MSI2: variants seen among roughly 807,000 people sequenced by gnomAD.
MSI2 encodes musashi RNA binding protein 2, also known as RNA-binding protein Musashi homolog 2.
In MSI2, 17 loss-of-function variants were observed where a neutral mutation model predicts 45.6. The ratio of observed to expected loss-of-function variants is 0.37; its 90% confidence interval spans 0.26 to 0.56. The LOEUF is 0.56. MSI2 is among the 20% of genes least tolerant of loss of function. The pLI is 0.77. For synonymous variants in MSI2, 156 were observed against 158.2 expected, an observed-to-expected ratio of 0.99 and a Z score of 0.11; for missense variants, 293 against 444.2, an observed-to-expected ratio of 0.66 and a Z score of 3.06.
At chr17:57,676,275 C>T (rs952746480) in intron 12 of MSI2, among the ~76,000 whole-genome samples, 8 of 152,228 alleles carry the variant, frequency 5.3e-5, no homozygotes, top group South Asian at 2.1e-4. Context: ...CGCACACGCA[C>T]GCACACACGC....
intron 5 of MSI2, chr17:57,365,059 G>C (rs998668879): frequency 6.6e-6 from 1 of 152,128 alleles, no homozygotes; most frequent in African/African-American, 2.4e-5. Flanking sequence ...TCTGTTAATA[G>C]TAGATACCCA....
chr17:57,395,020 G>C (rs368124228), intron 5 of MSI2, among the ~76,000 whole-genome samples: 2 of 152,196 alleles, frequency 1.3e-5, no homozygotes, highest in African/African-American at 4.8e-5. Flanking sequence ...CCCTCTGGAG[G>C]CTCCATGGGA....
chr17:57,547,746 A>G (rs971437624), intron 7 of MSI2, among the ~76,000 whole-genome samples: 1 of 82,136 alleles, frequency 1.2e-5, no homozygotes, highest in Non-Finnish European at 2.3e-5. Context: ...AAAAGTACAC[A>G]CACACACACA....
chr17:57,537,925 G>T (rs2086955923), intron 7 of MSI2, among the ~76,000 whole-genome samples: 1 of 152,190 alleles, frequency 6.6e-6, no homozygotes, highest in Non-Finnish European at 1.5e-5. Context: ...TAAAAGCCCT[G>T]GCACCAAAAG....
the MSI2 span, among the ~76,000 whole-genome samples, chr17:57,697,035 T>A: frequency 6.6e-5 from 10 of 151,414 alleles, no homozygotes; most frequent in African/African-American, 2.4e-4. Context: ...AGGGAGGGGG[T>A]GTGAGGTTTA....
intron 6 of MSI2, among the ~76,000 whole-genome samples, chr17:57,437,240 A>G (rs1315148642): frequency 6.6e-6 from 1 of 152,040 alleles, no homozygotes; most frequent in African/African-American, 2.4e-5. Context: ...GTCTATTTTT[A>G]TCGTGTTGTA....
intron 6 of MSI2, among the ~76,000 whole-genome samples, chr17:57,498,343 A>G (rs750730423): frequency 2.0e-5 from 3 of 152,254 alleles, no homozygotes; most frequent in Non-Finnish European, 4.4e-5. Flanking sequence ...TTGTTTTTAA[A>G]TGAGTAGCTA....
chr17:57,633,316 C>T (rs910267657), intron 10 of MSI2: 2 of 401,376 alleles, frequency 5.0e-6, no homozygotes, highest in African/African-American at 2.2e-5. Context: ...CCCTGGCTGC[C>T]GCCTGTTCCC....
At chr17:57,542,739 T>C (rs1463682473) in intron 7 of MSI2, among the ~76,000 whole-genome samples, 1 of 152,244 alleles carries the variant, frequency 6.6e-6, no homozygotes, top group Non-Finnish European at 1.5e-5. Context: ...CACTGCTGAC[T>C]TGGACCAGGT....
intron 4 of MSI2, 54 bp from the exon 5 acceptor site, chr17:57,262,097 T>C: frequency 6.4e-7 from 1 of 1,558,316 alleles, no homozygotes; most frequent in South Asian, 1.1e-5. Context: ...ATTAATCATA[T>C]ATTTTTTCCT....
chr17:57,432,839 G>A (rs889386015), intron 6 of MSI2, among the ~76,000 whole-genome samples: 39 of 152,090 alleles, frequency 2.6e-4, no homozygotes. Context: ...TCTCTCTTCT[G>A]TCTGCTGTCC....
chr17:57,313,416 G>C lies in MSI2; in HGVS notation c.312+51224G>C, dbSNP rs192034266. Among the ~76,000 whole-genome samples the C allele has an allele frequency of 1.4e-3, 216 of 152,314 alleles. 1 individual carries two copies. Among genetic ancestry groups the C allele is most frequent in the African/African-American group, 5.1e-3 (211 of 41,576 alleles). On this transcript the variant is annotated intron_variant, in intron 5 of 13. Coordinates refer to ENST00000284073, the MANE Select transcript of MSI2 (RefSeq NM_138962.4). ...AGAATTACTTTCCCTTCCTGGTTTTGAATTGAAGACCTTTTGTGTATTTAC... is the reference window on the plus strand; with the variant it reads ...AGAATTACTTTCCCTTCCTGGTTTTCAATTGAAGACCTTTTGTGTATTTAC...
At chr17:57,384,828 C>A (rs1047886083) in intron 5 of MSI2, among the ~76,000 whole-genome samples, 17 of 152,140 alleles carry the variant, frequency 1.1e-4, no homozygotes, top group African/African-American at 4.1e-4. Flanking sequence ...AGAGCAGATA[C>A]ACAGATTGTC....
chr17:57,596,484 C>T lies in MSI2; in HGVS notation c.455-384C>T, dbSNP rs2144453053. The stretch of plus-strand genomic sequence containing the variant: ...CCGACCCGAGGGCTGGCCAGGGCTG[C>T]TCGCGGAAAGGGCAAGCGTGGCCCC... On this transcript the variant is annotated intron_variant, in intron 7 of 13. Transcript: ENST00000284073. This position sits in a 1 kb window ranked among gnomAD's most constrained non-coding sequence, Gnocchi z 4.6. Among the ~76,000 whole-genome samples the T allele has an allele frequency of 6.6e-6, 1 of 152,360 alleles. No individual in the cohort carries two copies. Among genetic ancestry groups the T allele is most frequent in the East Asian group, 1.9e-4 (1 of 5,184 alleles).
At chr17:57,310,985 C>T (rs958518474) in intron 5 of MSI2, among the ~76,000 whole-genome samples, 22 of 152,154 alleles carry the variant, frequency 1.4e-4, no homozygotes, top group African/African-American at 4.3e-4. Flanking sequence ...ATTTTTTGAA[C>T]GGAATGGTTA....
intron 6 of MSI2, among the ~76,000 whole-genome samples, chr17:57,402,218 G>A (rs941521289): frequency 2.6e-5 from 4 of 152,194 alleles, no homozygotes; most frequent in African/African-American, 4.8e-5. Flanking sequence ...TGCTGAGGAT[G>A]ACACATTCCT....
chr17:57,262,465 G>T, intron 5 of MSI2: 1 of 387,140 alleles, frequency 2.6e-6, no homozygotes, highest in Non-Finnish European at 4.6e-6. Flanking sequence ...TTTTTTGCAA[G>T]GATTCTATTT....
intron 6 of MSI2, among the ~76,000 whole-genome samples, chr17:57,470,662 C>CTAT (rs2085417751): frequency 6.6e-6 from 1 of 152,230 alleles, no homozygotes; most frequent in African/African-American, 2.4e-5. Flanking sequence ...GAATAGTTGA[C>CTAT]TGTGTGCACT....
At chr17:57,271,608 T>C (rs1217242310) in intron 5 of MSI2, among the ~76,000 whole-genome samples, 1 of 152,114 alleles carries the variant, frequency 6.6e-6, no homozygotes, top group Admixed American at 6.5e-5. Flanking sequence ...GGGCCTTCCT[T>C]CATCTGGGTT....
Sources: gnomAD v4.1 joint callset for allele counts (sites outside exome capture counted in the v4.1 genomes callset) on GRCh38, gnomAD v4.1.1 for gene constraint, Gnocchi (gnomAD v3.1) non-coding constraint, MANE v1.5 for transcripts, NCBI Gene and HGNC (gene_info 2026-07-23, HGNC 2026-07-21) for gene names.